The following KCNQ1OT1 variants were observed in gnomAD, a reference collection of about 807,000 sequenced individuals.
KCNQ1OT1 encodes KCNQ1 opposite strand/antisense transcript 1, also known as KCNQ1 antisense RNA 2 (non-protein coding).
Position 2,613,910 on chromosome 11 carries a change from A to T in KCNQ1OT1, n.86085T>A. ...TTTTCTCATTTCCCAAAAAAGTACT[A>T]TTCTGTATATGCCCTTTTGAACTTT... On this transcript the variant is annotated non_coding_transcript_exon_variant, in exon 1 of 1. Transcript: ENST00000597346. The surrounding 1 kb of genome is among the most constrained non-coding windows in gnomAD (Gnocchi z 4.8). The T allele has an allele frequency of 2.5e-6, 1 of 398,524 alleles. No homozygotes were observed. Among genetic ancestry groups the T allele is most frequent in the East Asian group, 3.6e-5 (1 of 28,066 alleles). The allele number at this position is 398,524 out of a possible 1,614,324, so 24.7% of individuals were successfully genotyped here.
At chr11:2,643,157 G>A (rs1002439195) in exon 1 of KCNQ1OT1, 8 of 398,148 alleles carry the variant, frequency 2.0e-5, no homozygotes, top group Non-Finnish European at 3.1e-5. Context: ...GAACTGGTCT[G>A]TAAATGTCTG....
At chr11:2,667,579 G>A (rs1262826789) in exon 1 of KCNQ1OT1, 5 of 395,032 alleles carry the variant, frequency 1.3e-5, no homozygotes, top group African/African-American at 2.1e-5. Context: ...GGGGCAGGGG[G>A]TCGGGGCGGG....
At chr11:2,655,618 C>A in exon 1 of KCNQ1OT1, 1 of 398,696 alleles carries the variant, frequency 2.5e-6, no homozygotes, top group Non-Finnish European at 4.4e-6. Context: ...ACAGCACTTG[C>A]CCTCAAGCCC....
Position 2,687,453 on chromosome 11 carries a change from C to T in KCNQ1OT1, n.12542G>A. 1 of 398,794 alleles carries T rather than the reference C, an allele frequency of 2.5e-6. No individual in the cohort carries two copies. 24.7% of individuals were successfully genotyped at this position (398,794 alleles called of 1,614,324 possible). ...AGCTGTCCATACAGATCCCTGCCTGCACAAGAGCTGCTGCAGCATTTCAAT... is the reference window on the plus strand; with the variant it reads ...AGCTGTCCATACAGATCCCTGCCTGTACAAGAGCTGCTGCAGCATTTCAAT... On this transcript the variant is annotated non_coding_transcript_exon_variant, in exon 1 of 1. Coordinates refer to ENST00000597346, the Ensembl canonical transcript of KCNQ1OT1. This position sits in a 1 kb window ranked among gnomAD's most constrained non-coding sequence, Gnocchi z 5.0.
At position 2,698,733 on chromosome 11, in the gene KCNQ1OT1, C is replaced by T. The variant is rs1053096318; in HGVS notation, n.1262G>A. 2.5e-5 allele frequency: 10 copies of T among 398,812 alleles called. No individual in the cohort carries two copies. Among genetic ancestry groups the T allele is most frequent in the African/African-American group, 2.1e-4 (10 of 48,582 alleles). 24.7% of individuals were successfully genotyped at this position (398,812 alleles called of 1,614,324 possible). A position where few individuals can be genotyped will look rare whatever the true frequency, so the allele number is the denominator to read the frequency against. On this transcript the variant is annotated non_coding_transcript_exon_variant, in exon 1 of 1. Transcript: ENST00000597346. The surrounding 1 kb of genome is among the most constrained non-coding windows in gnomAD (Gnocchi z 5.1). ...TGACTCCAGTCGCCAACTCGGACCT[C>T]CCTTGGATCTCAACTCAGAGCCATG...
chr11:2,620,718 G>A lies in KCNQ1OT1; in HGVS notation n.79277C>T, dbSNP rs150282050. On this transcript the variant is annotated non_coding_transcript_exon_variant, in exon 1 of 1. Transcript: ENST00000597346. This position sits in a 1 kb window ranked among gnomAD's most constrained non-coding sequence, Gnocchi z 4.5. ...TGAATATATATCCAGTAATGGGATT[G>A]CTGGGTCAGATGGTAGTTCTGTTTT... 6.6e-3 allele frequency: 2,645 copies of A among 398,586 alleles called. 12 individuals carry two copies. The highest frequency in any genetic ancestry group is 0.012 in the Admixed American group (271 of 22,728). The allele number at this position is 398,586 out of a possible 1,614,324, so 24.7% of individuals were successfully genotyped here.
rs147490336 is a variant in KCNQ1OT1 at position 2,663,203 on chromosome 11, G to A, written n.36792C>T. 5.0e-6 allele frequency: 2 copies of A among 398,774 alleles called. No homozygotes were observed. Among genetic ancestry groups the A allele is most frequent in the African/African-American group, 4.1e-5 (2 of 48,756 alleles). The allele number at this position is 398,774 out of a possible 1,614,324, so 24.7% of individuals were successfully genotyped here. A position where few individuals can be genotyped will look rare whatever the true frequency, so the allele number is the denominator to read the frequency against. The stretch of plus-strand genomic sequence containing the variant: ...GGTTGGCAGTACCTCATGGTGGGTA[G>A]GGTGTGAAGAGGCTCCAAGGGAGCC... On this transcript the variant is annotated non_coding_transcript_exon_variant, in exon 1 of 1. Transcript: ENST00000597346. This position sits in a 1 kb window ranked among gnomAD's most constrained non-coding sequence, Gnocchi z 5.2.
At chr11:2,697,652 C>T in exon 1 of KCNQ1OT1, 1 of 398,514 alleles carries the variant, frequency 2.5e-6, no homozygotes, top group Non-Finnish European at 4.4e-6. Context: ...CTCCTGTAGC[C>T]TCTTAATGTG....
chr11:2,643,694 T>A, exon 1 of KCNQ1OT1: 1 of 398,568 alleles, frequency 2.5e-6, no homozygotes. Flanking sequence ...ATTAATTGAT[T>A]TCTGATTATT....
In KCNQ1OT1 at chr11:2,679,555, C is replaced by A. The variant is rs1850351993; in HGVS notation, n.20440G>T. On this transcript the variant is annotated non_coding_transcript_exon_variant, in exon 1 of 1. Transcript: ENST00000597346. This position sits in a 1 kb window ranked among gnomAD's most constrained non-coding sequence, Gnocchi z 4.8. ...TGATGGCCATTCCATCCATTGTAATCATGTGTACCATGCAATTCACAGTGC... is the reference window on the plus strand; with the variant it reads ...TGATGGCCATTCCATCCATTGTAATAATGTGTACCATGCAATTCACAGTGC... The A allele has an allele frequency of 2.5e-6, 1 of 398,604 alleles. No individual in the cohort carries two copies. The highest frequency in any genetic ancestry group is 4.4e-5 in the Admixed American group (1 of 22,734). 24.7% of individuals were successfully genotyped at this position (398,604 alleles called of 1,614,324 possible).
exon 1 of KCNQ1OT1, chr11:2,665,607 A>G (rs1366510075): frequency 5.0e-6 from 2 of 396,536 alleles, no homozygotes; most frequent in African/African-American, 4.2e-5. Flanking sequence ...CCCAGGACAC[A>G]CTTAGGCTGT....
chr11:2,645,757 T>A lies in KCNQ1OT1; in HGVS notation n.54238A>T. On this transcript the variant is annotated non_coding_transcript_exon_variant, in exon 1 of 1. Coordinates refer to ENST00000597346, the Ensembl canonical transcript of KCNQ1OT1. The surrounding 1 kb of genome is among the most constrained non-coding windows in gnomAD (Gnocchi z 5.8). ...TGTCCATGGGGCTCCAGGGATGAGA[T>A]AGAGGGATGTGGGGCCCACAGCAGA... The A allele has an allele frequency of 2.5e-6, 1 of 398,678 alleles. No homozygotes were observed. 24.7% of individuals were successfully genotyped at this position (398,678 alleles called of 1,614,324 possible).
chr11:2,632,972 A>T (rs1477496747), exon 1 of KCNQ1OT1: 1 of 398,366 alleles, frequency 2.5e-6, no homozygotes, highest in Non-Finnish European at 4.4e-6. Flanking sequence ...GTCTACTTTT[A>T]GTTTTTTTGA....
At position 2,678,076 on chromosome 11, in the gene KCNQ1OT1, T is replaced by A. The variant is rs1031901408; in HGVS notation, n.21919A>T. 2.5e-5 allele frequency: 10 copies of A among 398,366 alleles called. No homozygotes were observed. The highest frequency in any genetic ancestry group is 8.8e-5 in the Admixed American group (2 of 22,720). 24.7% of individuals were successfully genotyped at this position (398,366 alleles called of 1,614,324 possible). A position where few individuals can be genotyped will look rare whatever the true frequency, so the allele number is the denominator to read the frequency against. ...TACCCTTTGGACTTTGTAAAATACC[T>A]TGTCTTACTGATTTGTAGAAACTTG... On this transcript the variant is annotated non_coding_transcript_exon_variant, in exon 1 of 1. Transcript: ENST00000597346. This position sits in a 1 kb window ranked among gnomAD's most constrained non-coding sequence, Gnocchi z 4.9.
At chr11:2,650,518 T>G in exon 1 of KCNQ1OT1, 1 of 398,682 alleles carries the variant, frequency 2.5e-6, no homozygotes. Context: ...TAGACTATAA[T>G]CCACATCAGT....
In KCNQ1OT1 at chr11:2,663,938, C is replaced by G. The variant is rs1418884341; in HGVS notation, n.36057G>C. The G allele has an allele frequency of 2.5e-6, 1 of 398,746 alleles. No individual in the cohort carries two copies. Among genetic ancestry groups the G allele is most frequent in the Non-Finnish European group, 4.4e-6 (1 of 226,126 alleles). 24.7% of individuals were successfully genotyped at this position (398,746 alleles called of 1,614,324 possible). A position where few individuals can be genotyped will look rare whatever the true frequency, so the allele number is the denominator to read the frequency against. ...ACACTGGGCTGTTTCTTGTTCCACT[C>G]CAGGATGACAGGGCCTGAGAGACCT... is the stretch of plus-strand genomic sequence containing the variant. On this transcript the variant is annotated non_coding_transcript_exon_variant, in exon 1 of 1. Transcript: ENST00000597346. The surrounding 1 kb of genome is among the most constrained non-coding windows in gnomAD (Gnocchi z 5.2).
At chr11:2,681,799 C>G in exon 1 of KCNQ1OT1, 1 of 398,578 alleles carries the variant, frequency 2.5e-6, no homozygotes, top group Non-Finnish European at 4.4e-6. Flanking sequence ...GGTACAGTCC[C>G]TGCCTTCTCA....
exon 1 of KCNQ1OT1, chr11:2,665,171 G>T (rs1026517402): frequency 5.0e-6 from 2 of 398,610 alleles, no homozygotes; most frequent in African/African-American, 2.1e-5. Context: ...AGCTCTGGGC[G>T]GCCAGGACTC....
exon 1 of KCNQ1OT1, chr11:2,646,702 G>C (rs974207201): frequency 2.5e-6 from 1 of 398,392 alleles, no homozygotes; most frequent in East Asian, 3.6e-5. Flanking sequence ...TTTTTGTACT[G>C]ATGAGGTTTT....
Sources: gnomAD v4.1 joint callset for allele counts on GRCh38, gnomAD v4.1.1 for gene constraint, Gnocchi (gnomAD v3.1) non-coding constraint, MANE v1.5 for transcripts, NCBI Gene and HGNC (gene_info 2026-07-23, HGNC 2026-07-21) for gene names.